COL13A1: variants seen among roughly 807,000 people sequenced by gnomAD.
COL13A1 encodes the protein collagen alpha-1(XIII) chain.
A neutral mutation model predicts 130.9 loss-of-function variants in COL13A1; 89 were observed. The observed-to-expected ratio is 0.68, with a 90% CI of 0.57 to 0.81. COL13A1 has a LOEUF of 0.81. Ranked by LOEUF, COL13A1 falls within the 30% of genes least tolerant of loss-of-function variation. COL13A1 has a pLI of 0.00. For synonymous variants in COL13A1, 402 were observed against 341.6 expected, an observed-to-expected ratio of 1.18 and a Z score of -1.95; for missense variants, 879 against 934.6, an observed-to-expected ratio of 0.94 and a Z score of 0.78.
rs113615928 is a variant in COL13A1, at chr10:69,842,035, G to C, written c.364+19597G>C. ...ACCTAACCAGACTGGTATTATGAAAGCTCAGACTAGCTGATATGGTTTCAC... is the reference window on the plus strand; with the variant it reads ...ACCTAACCAGACTGGTATTATGAAACCTCAGACTAGCTGATATGGTTTCAC... On this transcript the variant is annotated intron_variant, in intron 2 of 40. Coordinates refer to ENST00000645393, the MANE Select transcript of COL13A1 (RefSeq NM_001368882.1). Among the ~76,000 whole-genome samples the C allele has an allele frequency of 7.1e-3, 1,075 of 152,344 alleles. 12 individuals carry two copies. Among genetic ancestry groups the C allele is most frequent in the African/African-American group, 0.025 (1,036 of 41,572 alleles).
rs1380115554 is a variant in COL13A1, at chr10:69,897,490, A to G, written c.685-1207A>G. On this transcript the variant is annotated intron_variant, in intron 13 of 40. Transcript: ENST00000645393. Reference sequence around the variant, plus strand: ...CCCAAACTAGGAGTGCCTAAGCAGCATGCCAGCAGCTCTGCGCTCCAGCCA... The same window carrying G: ...CCCAAACTAGGAGTGCCTAAGCAGCGTGCCAGCAGCTCTGCGCTCCAGCCA... 4 of 1,613,922 alleles carry G rather than the reference A, an allele frequency of 2.5e-6. No individual in the cohort carries two copies. The highest frequency in any genetic ancestry group is 4.5e-5 in the East Asian group (2 of 44,876).
chr10:69,808,947 T>C (rs1267870583), intron 1 of COL13A1, among the ~76,000 whole-genome samples: 1 of 152,220 alleles, frequency 6.6e-6, no homozygotes, highest in Non-Finnish European at 1.5e-5. Flanking sequence ...GCATGCCTTG[T>C]CCTGGCTGGG....
intron 2 of COL13A1, among the ~76,000 whole-genome samples, chr10:69,853,123 C>T (rs1429748594): frequency 6.6e-6 from 1 of 152,192 alleles, no homozygotes; most frequent in African/African-American, 2.4e-5. Flanking sequence ...GGTGCCCCTG[C>T]CCCCTCTAAA....
intron 2 of COL13A1, among the ~76,000 whole-genome samples, chr10:69,847,268 CAT>C: frequency 6.6e-6 from 1 of 152,174 alleles, no homozygotes; most frequent in South Asian, 2.1e-4. Flanking sequence ...AAGGTAATCC[CAT>C]ATGAGTCAGG....
intron 1 of COL13A1, among the ~76,000 whole-genome samples, chr10:69,806,478 C>A (rs543443184): frequency 1.3e-5 from 2 of 152,180 alleles, no homozygotes; most frequent in African/African-American, 4.8e-5. Context: ...TGGAGGATGG[C>A]GGGAGCCAGC....
In COL13A1 at chr10:69,854,317, G is replaced by C. The variant is rs1180300337; in HGVS notation, c.365-13481G>C. On this transcript the variant is annotated intron_variant, in intron 2 of 40. Coordinates refer to ENST00000645393, the MANE Select transcript of COL13A1 (RefSeq NM_001368882.1). The stretch of plus-strand genomic sequence containing the variant: ...GCTGTGGCTCACACTTGTAATCCCA[G>C]CACTCTGGGAGATCAAGGCTGGTAG... 2.0e-5 allele frequency among the ~76,000 whole-genome samples: 3 copies of C among 152,196 alleles called. No individual in the cohort carries two copies. The East Asian group carries it at 5.8e-4, about 29-fold the overall frequency.
intron 1 of COL13A1, among the ~76,000 whole-genome samples, chr10:69,815,652 C>A (rs939222588): frequency 2.6e-5 from 4 of 152,192 alleles, no homozygotes; most frequent in Admixed American, 2.6e-4. Flanking sequence ...GCAACCACCA[C>A]ACAGCACCAC....
intron 1 of COL13A1, among the ~76,000 whole-genome samples, chr10:69,806,519 A>G (rs980823624): frequency 6.6e-6 from 1 of 152,006 alleles, no homozygotes; most frequent in African/African-American, 2.4e-5. Flanking sequence ...TGCTTTCCAG[A>G]CCTCAGGCCC....
chr10:69,839,491 G>A (rs1851005240), intron 2 of COL13A1, among the ~76,000 whole-genome samples: 1 of 152,192 alleles, frequency 6.6e-6, no homozygotes, highest in African/African-American at 2.4e-5. Flanking sequence ...TTTCGATAGG[G>A]CATTGTGGGG....
intron 18 of COL13A1, among the ~76,000 whole-genome samples, chr10:69,917,634 A>G (rs1174508129): frequency 1.3e-5 from 2 of 151,670 alleles, no homozygotes; most frequent in Non-Finnish European, 2.9e-5. Flanking sequence ...AGATTTGCTA[A>G]GGGGCACTTT....
chr10:69,953,544 G>T (rs1320220947), intron 39 of COL13A1, among the ~76,000 whole-genome samples: 1 of 152,234 alleles, frequency 6.6e-6, no homozygotes, highest in Non-Finnish European at 1.5e-5. Context: ...AGAACTGGTA[G>T]TCAGACAGAC....
intron 30 of COL13A1, 122 bp downstream of exon 30, chr10:69,930,674 G>C: frequency 3.5e-6 from 4 of 1,152,394 alleles, no homozygotes; most frequent in Non-Finnish European, 4.8e-6. Flanking sequence ...CTGGGGCCAG[G>C]GCTTAGGGGT....
intron 17 of COL13A1, among the ~76,000 whole-genome samples, chr10:69,913,079 A>T (rs1416496643): frequency 6.6e-6 from 1 of 152,076 alleles, no homozygotes; most frequent in East Asian, 1.9e-4. Context: ...CTCTCTACCC[A>T]CTTGTGCTCC....
chr10:69,854,454 T>A (rs1393337596), intron 2 of COL13A1, among the ~76,000 whole-genome samples: 2 of 151,916 alleles, frequency 1.3e-5, no homozygotes, highest in African/African-American at 2.4e-5. Flanking sequence ...GCGCCAGCAG[T>A]CCCAGCTACT....
At chr10:69,828,462 A>T (rs926101749) in intron 2 of COL13A1, among the ~76,000 whole-genome samples, 2 of 152,088 alleles carry the variant, frequency 1.3e-5, no homozygotes, top group Admixed American at 1.3e-4. Flanking sequence ...CTCAGTGCTC[A>T]TACCCCCCAT....
intron 17 of COL13A1, among the ~76,000 whole-genome samples, chr10:69,915,172 G>A (rs115906881): frequency 3.4e-3 from 518 of 152,326 alleles, no homozygotes; most frequent in African/African-American, 0.012. Flanking sequence ...CAAGAATAAC[G>A]TCCACTCCCA....
intron 30 of COL13A1, chr10:69,931,041 G>C (rs2066049974): frequency 5.5e-6 from 2 of 360,998 alleles, no homozygotes; most frequent in South Asian, 4.1e-5. Context: ...TGTGAAATGG[G>C]TGCCATCCTA....
intron 2 of COL13A1, among the ~76,000 whole-genome samples, chr10:69,845,547 G>A (rs764042792): frequency 5.9e-5 from 9 of 151,824 alleles, no homozygotes; most frequent in Non-Finnish European, 1.3e-4. Context: ...CTACACCAAA[G>A]TAGGCATCCC....
intron 2 of COL13A1, among the ~76,000 whole-genome samples, chr10:69,852,402 C>T (rs1855126105): frequency 1.3e-5 from 2 of 152,228 alleles, no homozygotes; most frequent in African/African-American, 4.8e-5. Flanking sequence ...CTAATTCCTT[C>T]AACTCTCCTG....
Sources: allele counts gnomAD v4.1 joint callset (sites outside exome capture counted in the v4.1 genomes callset), GRCh38; gene constraint gnomAD v4.1.1; transcripts MANE v1.5; gene names NCBI Gene and HGNC (gene_info 2026-07-23, HGNC 2026-07-21).